ACBD6: variants seen among roughly 807,000 people sequenced by gnomAD.
ACBD6 encodes the protein acyl-CoA binding domain containing 6, also known as acyl-CoA-binding domain-containing protein 6.
ACBD6 carries 28 observed loss-of-function variants against 37.2 expected under a neutral mutation model. That is an observed-to-expected ratio of 0.75 (90% CI 0.56 to 1.03). The LOEUF (loss-of-function observed/expected upper bound fraction) is 1.03. ACBD6 is among the 50% of genes least tolerant of loss of function. The pLI is 0.00. For synonymous variants in ACBD6, 113 were observed against 126.8 expected, an observed-to-expected ratio of 0.89 and a Z score of 0.73; for missense variants, 340 against 337.4, an observed-to-expected ratio of 1.01 and a Z score of -0.06.
At chr1:180,399,304 T>G (rs1391881119) in intron 5 of ACBD6, among the ~76,000 whole-genome samples, 1 of 152,194 alleles carries the variant, frequency 6.6e-6, no homozygotes, top group African/African-American at 2.4e-5. Flanking sequence ...AGTTTTGCTC[T>G]TTTGCTGAGG....
chr1:180,294,861 T>C (rs983761370), intron 7 of ACBD6, among the ~76,000 whole-genome samples: 2 of 152,046 alleles, frequency 1.3e-5, no homozygotes, highest in Non-Finnish European at 2.9e-5. Flanking sequence ...ATGCCTGGCA[T>C]GTTTTAAAAC....
intron 3 of ACBD6, among the ~76,000 whole-genome samples, chr1:180,460,229 A>T (rs72716605): frequency 0.045 from 6,822 of 150,516 alleles, 226 homozygotes; most frequent in South Asian, 0.089. Flanking sequence ...CAGGGGCCTC[A>T]AGCCACTCCC....
downstream of ACBD6, chr1:180,287,094 G>T (rs1179253481): frequency 6.6e-6 from 1 of 152,106 alleles, no homozygotes; most frequent in African/African-American, 2.4e-5. Flanking sequence ...CAGGGAAAAT[G>T]TTGGGAGCCA....
At chr1:180,281,401 G>C (rs1259912045) in intron 8 of ACBD6, 2 of 151,996 alleles carry the variant, frequency 1.3e-5, no homozygotes, top group Admixed American at 1.3e-4. Context: ...AATCACAAAA[G>C]GAAAAAAGAA....
At chr1:180,419,497 T>C (rs1455132028) in intron 4 of ACBD6, among the ~76,000 whole-genome samples, 1 of 152,126 alleles carries the variant, frequency 6.6e-6, no homozygotes, top group Non-Finnish European at 1.5e-5. Flanking sequence ...CCCAATGGAC[T>C]AGTGAAATGA....
At chr1:180,329,889 C>T (rs1307043291) in intron 6 of ACBD6, among the ~76,000 whole-genome samples, 2 of 152,072 alleles carry the variant, frequency 1.3e-5, no homozygotes, top group Admixed American at 1.3e-4. Context: ...TTTCTGTTTC[C>T]GGACATTTGT....
chr1:180,501,914 A>C lies in ACBD6; in HGVS notation c.222+131T>G, dbSNP rs895513122. ...ATCCCCAGCAGATGGTCAAAAAAAA[A>C]AAAACAAAACAAAATACACATACAC... On this transcript the variant is annotated intron_variant, in intron 1 of 7. Transcript: ENST00000367595. The C allele has an allele frequency of 3.1e-4, 278 of 897,690 alleles. 3 individuals carry two copies. The Middle Eastern group carries it at 4.7e-3, about 15-fold the overall frequency. 55.6% of individuals were successfully genotyped at this position (897,690 alleles called of 1,614,324 possible). A position where few individuals can be genotyped will look rare whatever the true frequency, so the allele number is the denominator to read the frequency against.
chr1:180,447,276 C>CTT (rs201071395), intron 3 of ACBD6, among the ~76,000 whole-genome samples: 4 of 150,982 alleles, frequency 2.6e-5, no homozygotes, highest in Non-Finnish European at 4.4e-5. Context: ...CTGAAGAACA[C>CTT]TTTTTTTTTA....
chr1:180,435,309 CAG>C, intron 3 of ACBD6: 1 of 495,894 alleles, frequency 2.0e-6, no homozygotes, highest in Non-Finnish European at 3.8e-6. Flanking sequence ...AGTGCAGTGG[CAG>C]GATCTCAGCT....
chr1:180,291,503 T>C (rs1190142014), intron 7 of ACBD6, among the ~76,000 whole-genome samples: 3 of 152,242 alleles, frequency 2.0e-5, no homozygotes, highest in African/African-American at 7.2e-5. Flanking sequence ...CTGCCAACTA[T>C]CTATCTTTGG....
intron 3 of ACBD6, among the ~76,000 whole-genome samples, chr1:180,476,208 T>C (rs1650778634): frequency 6.6e-6 from 1 of 152,220 alleles, no homozygotes; most frequent in Non-Finnish European, 1.5e-5. Flanking sequence ...TATTTAAAGA[T>C]GGAATGTGAA....
At chr1:180,337,966 G>T (rs1025495342) in intron 6 of ACBD6, among the ~76,000 whole-genome samples, 4 of 152,134 alleles carry the variant, frequency 2.6e-5, no homozygotes, top group Non-Finnish European at 5.9e-5. Flanking sequence ...CCTCTTCAAG[G>T]AGAACTACAA....
At chr1:180,446,845 A>T (rs1649494981) in intron 3 of ACBD6, among the ~76,000 whole-genome samples, 1 of 152,220 alleles carries the variant, frequency 6.6e-6, no homozygotes, top group South Asian at 2.1e-4. Context: ...GTTTGAGACC[A>T]GCCTGGCCAA....
intron 3 of ACBD6, among the ~76,000 whole-genome samples, chr1:180,463,486 T>C (rs75088419): frequency 5.9e-5 from 9 of 151,684 alleles, no homozygotes; most frequent in African/African-American, 2.2e-4. Context: ...ACACATATAC[T>C]CTCCCCAGAA....
At chr1:180,355,095 C>T (rs2101896998) in intron 6 of ACBD6, among the ~76,000 whole-genome samples, 1 of 152,294 alleles carries the variant, frequency 6.6e-6, no homozygotes, top group South Asian at 2.1e-4. Flanking sequence ...GTGGCTAATG[C>T]TGTTTACCGC....
At chr1:180,458,509 C>T (rs1390720587) in intron 3 of ACBD6, among the ~76,000 whole-genome samples, 7 of 151,910 alleles carry the variant, frequency 4.6e-5, no homozygotes, top group African/African-American at 1.7e-4. Context: ...AAAACATTTG[C>T]CATAAATAAT....
intron 6 of ACBD6, among the ~76,000 whole-genome samples, chr1:180,361,642 T>C (rs947228633): frequency 5.3e-5 from 8 of 152,150 alleles, no homozygotes; most frequent in Admixed American, 4.6e-4. Context: ...GGCCTTCCAA[T>C]AGAGACAGTA....
At chr1:180,369,338 T>C (rs1231524190) in intron 6 of ACBD6, among the ~76,000 whole-genome samples, 1 of 152,254 alleles carries the variant, frequency 6.6e-6, no homozygotes, top group Non-Finnish European at 1.5e-5. Flanking sequence ...TAGGGGCACA[T>C]GTATCAACAG....
At position 180,413,418 on chromosome 1, in the gene ACBD6, A is replaced by G; in HGVS notation, c.521T>C (p.Ile174Thr). 6 of 1,613,548 alleles carry G rather than the reference A, an allele frequency of 3.7e-6. No homozygotes were observed. Among genetic ancestry groups the G allele is most frequent in the Non-Finnish European group, 5.1e-6 (6 of 1,179,872 alleles). The change falls in exon 5 of 8, where the codon ATA (isoleucine) becomes ACA (threonine). Residue 174 changes from isoleucine to threonine, a missense_variant. Coordinates refer to ENST00000367595, the MANE Select transcript of ACBD6 (RefSeq NM_032360.4). ...DYCRENNIDH[I>T]TKAIKSKNVD... ...ATTTTTCGATTTGATGGCTTTGGTT[A>G]TATGGTCAATGTTGTTTTCCCTGCA... is the stretch of plus-strand genomic sequence containing the variant.
Sources: gnomAD v4.1 joint callset for allele counts (sites outside exome capture counted in the v4.1 genomes callset) on GRCh38, gnomAD v4.1.1 for gene constraint, MANE v1.5 for transcripts, NCBI Gene and HGNC (gene_info 2026-07-23, HGNC 2026-07-21) for gene names.